The following SLC6A7 variants were observed in gnomAD, a reference collection of about 807,000 sequenced individuals.
SLC6A7 encodes the protein solute carrier family 6 member 7, also known as sodium-dependent proline transporter.
SLC6A7 carries 58 observed loss-of-function variants against 73.1 expected under a neutral mutation model. That is an observed-to-expected ratio of 0.79 (90% CI 0.64 to 0.99). The LOEUF (loss-of-function observed/expected upper bound fraction) is 0.99. Among genes scored for constraint, SLC6A7 ranks in the 50% least tolerant of loss-of-function variants. The pLI, the probability that SLC6A7 is intolerant of heterozygous loss-of-function variation, is 0.00. For synonymous variants in SLC6A7, 338 were observed against 338.7 expected (o/e 1.00, Z 0.02); for missense variants, 783 against 831.4 (o/e 0.94, Z 0.72).
rs1371591379 is a variant in SLC6A7 at position 150,201,173 on chromosome 5, G to A, written c.808G>A (p.Gly270Ser). 1 of 1,613,706 alleles carries A rather than the reference G, an allele frequency of 6.2e-7. No individual in the cohort carries two copies. ...RGVTLPGAWK[G>S]IQFYLTPQFH... ...AGTCACCCTCCCAGGGGCCTGGAAGGGCATCCAGTTCTATCTCACCCCCCA... is the reference window on the plus strand; with the variant it reads ...AGTCACCCTCCCAGGGGCCTGGAAGAGCATCCAGTTCTATCTCACCCCCCA... Residue 270 changes from glycine (G) to serine (S), a missense_variant, in exon 6 of 14, where the codon GGC becomes AGC. By Grantham distance (56) the Gly-to-Ser change is moderately conservative (BLOSUM62 0). Coordinates refer to ENST00000230671, the MANE Select transcript of SLC6A7 (RefSeq NM_014228.5).
At position 150,204,167 on chromosome 5, in the gene SLC6A7, C is replaced by T. The variant is rs1276288157; in HGVS notation, c.1332+129C>T. 7.7e-6 allele frequency: 7 copies of T among 911,314 alleles called. No individual in the cohort carries two copies. In the East Asian group the frequency reaches 7.9e-5, roughly 10 times the overall value. The allele number at this position is 911,314 out of a possible 1,614,324, so 56.5% of individuals were successfully genotyped here. A position where few individuals can be genotyped will look rare whatever the true frequency, so the allele number is the denominator to read the frequency against. On this transcript the variant is annotated intron_variant, in intron 10 of 13. Coordinates refer to ENST00000230671, the MANE Select transcript of SLC6A7 (RefSeq NM_014228.5). ...CCTCTTTGCAAGGAACCCAGTCCCTCCCCGGCCCTATCTCCCAAGGGAGGC... is the reference window on the plus strand; with the variant it reads ...CCTCTTTGCAAGGAACCCAGTCCCTTCCCGGCCCTATCTCCCAAGGGAGGC...
Position 150,202,331 on chromosome 5 carries a change from A to G in SLC6A7, c.859-16A>G. On this transcript the variant is annotated splice_polypyrimidine_tract_variant and intron_variant, in intron 6 of 13. Coordinates refer to ENST00000230671, the MANE Select transcript of SLC6A7 (RefSeq NM_014228.5). ...GACCATCCGCACACCCTCCCTTTCCATCCTTCCCGGCACAGGTGTGGATTG... is the reference window on the plus strand; with the variant it reads ...GACCATCCGCACACCCTCCCTTTCCGTCCTTCCCGGCACAGGTGTGGATTG... 6.3e-7 allele frequency: 1 copy of G among 1,591,360 alleles called. No individual in the cohort carries two copies. Among genetic ancestry groups the G allele is most frequent in the Admixed American group, 1.7e-5 (1 of 59,978 alleles).
chr5:150,195,560 C>T (rs2240783), intron 2 of SLC6A7, among the ~76,000 whole-genome samples: 56,297 of 152,032 alleles, frequency 0.37, 10,667 homozygotes, highest in East Asian at 0.46. Flanking sequence ...ACCATGGATA[C>T]GATGAGGTAG....
rs916755772 is a variant in SLC6A7 at position 150,204,893 on chromosome 5, C to T, written c.1499C>T (p.Ala500Val). 5.0e-6 allele frequency: 8 copies of T among 1,609,028 alleles called. No individual in the cohort carries two copies. In the Admixed American group the frequency reaches 5.0e-5, roughly 10 times the overall value. The change falls in exon 12 of 14, where the codon GCC becomes GTC. Residue 500 changes from alanine to valine, a missense_variant. Ala to Val is a moderately conservative substitution (Grantham distance 64, BLOSUM62 0). Transcript: ENST00000230671. ...LGFKPGLYFR[A>V]CWLFLSPATL... ...TTCAAGCCGGGCCTCTACTTCAGGG[C>T]CTGCTGGCTGTTCCTGTCCCCAGCC...
chr5:150,201,745 G>T (rs1052317551), intron 6 of SLC6A7, among the ~76,000 whole-genome samples: 1 of 152,176 alleles, frequency 6.6e-6, no homozygotes, highest in Non-Finnish European at 1.5e-5. Flanking sequence ...GAGGGCATTA[G>T]TGACAATGGT....
At chr5:150,201,506 G>C (rs982992198) in intron 6 of SLC6A7, among the ~76,000 whole-genome samples, 7 of 152,196 alleles carry the variant, frequency 4.6e-5, no homozygotes, top group Admixed American at 2.0e-4. Flanking sequence ...TTTTTGTAGT[G>C]AGAACACTTA....
intron 4 of SLC6A7, among the ~76,000 whole-genome samples, chr5:150,198,113 A>AAGAAAGAG (rs1753160952): frequency 7.1e-5 from 4 of 56,500 alleles, no homozygotes; most frequent in South Asian, 6.4e-4. Context: ...GAAAGAAAGA[A>AAGAAAGAG]AGAGAAAGAA....
rs533332417 is a variant in SLC6A7, at chr5:150,194,954, G to A, written c.217+43G>A. 1.1e-5 allele frequency: 17 copies of A among 1,564,552 alleles called. No individual in the cohort carries two copies. The South Asian group carries it at 1.8e-4, about 17-fold the overall frequency. ...TGTCGGAGGGTGTCTGGGGTGATGG[G>A]CCAAGGCCCTGGGGTACAGTGAGCT... On this transcript the variant is annotated intron_variant, in intron 2 of 13. Transcript: ENST00000230671.
chr5:150,199,156 A>G, intron 4 of SLC6A7, 72 bp from the exon 5 acceptor site: 2 of 1,495,682 alleles, frequency 1.3e-6, no homozygotes, highest in South Asian at 1.4e-5. Context: ...TGTGGGCTGG[A>G]CATGGCTTGA....
Position 150,202,614 on chromosome 5 carries a change from C to A in SLC6A7, c.998C>A (p.Thr333Asn). Reference protein sequence around the residue: ...TFIVTLGNAITSILAGFAIFS... With the variant: ...TFIVTLGNAINSILAGFAIFS... Reference sequence around the variant, plus strand: ...ATCGTCACTCTGGGCAACGCCATCACCAGCATCCTGGCTGGCTTTGCCATC... The same window carrying A: ...ATCGTCACTCTGGGCAACGCCATCAACAGCATCCTGGCTGGCTTTGCCATC... The change falls in exon 8 of 14, where the codon ACC becomes AAC. Residue 333 changes from threonine to asparagine, a missense_variant. Thr to Asn is a moderately conservative substitution (Grantham distance 65). Coordinates refer to ENST00000230671, the MANE Select transcript of SLC6A7 (RefSeq NM_014228.5). The A allele has an allele frequency of 1.2e-6, 2 of 1,614,240 alleles. No individual in the cohort carries two copies. The highest frequency in any genetic ancestry group is 1.7e-6 in the Non-Finnish European group (2 of 1,180,026).
At chr5:150,205,023 C>T (rs929993298) in intron 12 of SLC6A7, 96 bp downstream of exon 12, 20 of 739,420 alleles carry the variant, frequency 2.7e-5, no homozygotes, top group African/African-American at 5.2e-5. Flanking sequence ...CACCCTGGCC[C>T]GCAGTGGAGG....
At chr5:150,196,688 C>A in intron 2 of SLC6A7, 28 bp from the exon 3 acceptor site, 1 of 1,604,296 alleles carries the variant, frequency 6.2e-7, no homozygotes, top group South Asian at 1.1e-5. Context: ...GCCCCCAAGG[C>A]CCTTGCTGAC....
intron 10 of SLC6A7, 39 bp downstream of exon 10, chr5:150,204,077 C>A (rs766554707): frequency 3.8e-6 from 6 of 1,588,208 alleles, no homozygotes; most frequent in Non-Finnish European, 5.1e-6. Context: ...GTGGGCGGGA[C>A]AAGGGCAGAC....
Position 150,190,201 on chromosome 5 carries a change from G to T in SLC6A7, c.-127G>T. ...GCAGCCGCCAGACGGCAGCGCCTGC[G>T]TCCGTGCCCGCCCCAGCCGGTGCGC... is the stretch of plus-strand genomic sequence containing the variant. On this transcript the variant is annotated 5_prime_UTR_variant, in exon 1 of 14. Transcript: ENST00000230671. The T allele has an allele frequency of 1.3e-6, 1 of 741,886 alleles. No homozygotes were observed. The allele number at this position is 741,886 out of a possible 1,614,324, so 46.0% of individuals were successfully genotyped here. A position where few individuals can be genotyped will look rare whatever the true frequency, so the allele number is the denominator to read the frequency against.
At position 150,198,810 on chromosome 5, in the gene SLC6A7, T is replaced by TGG. The variant is rs1189472062; in HGVS notation, c.585-417_585-416dup. Among the ~76,000 whole-genome samples, 15 of 78,386 alleles carry TGG rather than the reference T, an allele frequency of 1.9e-4. No individual in the cohort carries two copies. The South Asian group carries it at 3.8e-3, about 20-fold the overall frequency. 51.4% of individuals were successfully genotyped at this position (78,386 alleles called of 152,430 possible). The stretch of plus-strand genomic sequence containing the variant: ...AACACAGTCATGGCCAGGCCCTGGA[T>TGG]GGTGTGTGTGTGTGTGTGTGTGTGT... On this transcript the variant is annotated intron_variant, in intron 4 of 13. Coordinates refer to ENST00000230671, the MANE Select transcript of SLC6A7 (RefSeq NM_014228.5).
rs763360524 is a variant in SLC6A7 at position 150,201,208 on chromosome 5, C to T, written c.843C>T (p.His281=). ...IQFYLTPQFH[H]LLSSKVWIEA... ...TCTATCTCACCCCCCAGTTCCACCA[C>T]TTGTTGTCTTCCAAGGTGAGCCCCT... Residue 281 remains histidine (H), a synonymous_variant, in exon 6 of 14, where the codon CAC becomes CAT. Coordinates refer to ENST00000230671, the MANE Select transcript of SLC6A7 (RefSeq NM_014228.5). The T allele has an allele frequency of 1.2e-6, 2 of 1,611,662 alleles. No individual in the cohort carries two copies. Among genetic ancestry groups the T allele is most frequent in the East Asian group, 2.2e-5 (1 of 44,772 alleles).
chr5:150,203,843 G>GTA, intron 9 of SLC6A7, 64 bp downstream of exon 9: 1 of 1,431,798 alleles, frequency 7.0e-7, no homozygotes, highest in Middle Eastern at 1.8e-4. Flanking sequence ...GTGTGTGTGT[G>GTA]TGTGTGTGTG....
At chr5:150,204,794 G>A (rs1340772294) in intron 11 of SLC6A7, 33 bp from the exon 12 acceptor site, 8 of 1,501,352 alleles carry the variant, frequency 5.3e-6, no homozygotes, top group East Asian at 2.3e-5. Flanking sequence ...GGGCCGGCGG[G>A]TGGGGCCATT....
At chr5:150,202,237 TC>T in intron 6 of SLC6A7, 109 bp from the exon 7 acceptor site, 2 of 762,026 alleles carry the variant, frequency 2.6e-6, no homozygotes, top group Non-Finnish European at 4.6e-6. Flanking sequence ...GACCACGCCA[TC>T]CCTCGTGACC....
Sources: allele counts gnomAD v4.1 joint callset (sites outside exome capture counted in the v4.1 genomes callset), GRCh38; gene constraint gnomAD v4.1.1; transcripts MANE v1.5; gene names NCBI Gene and HGNC (gene_info 2026-07-23, HGNC 2026-07-21).